MKRN2OS: variants seen among roughly 807,000 people sequenced by gnomAD.
MKRN2OS encodes the protein MKRN2 opposite strand, also known as MKRN2 opposite strand protein.
Under a neutral mutation model 18.2 loss-of-function variants are expected in MKRN2OS, and 17 were observed. That is an observed-to-expected ratio of 0.93 (90% CI 0.64 to 1.40). The LOEUF is 1.40. Ranked by LOEUF, MKRN2OS falls within the 40% of genes most tolerant of loss-of-function variation. MKRN2OS has a pLI of 0.00. For synonymous variants in MKRN2OS, 121 were observed against 108.5 expected (o/e 1.12, Z -0.72); for missense variants, 337 against 283.0 (o/e 1.19, Z -1.37).
At chr3:12,551,786 A>G (rs1401101412), downstream of MKRN2OS, among the ~76,000 whole-genome samples, 1 of 151,568 alleles carries the variant, frequency 6.6e-6, no homozygotes, top group African/African-American at 2.4e-5. Flanking sequence ...AAATACAAAA[A>G]CACAAAAATT....
intron 1 of MKRN2OS, among the ~76,000 whole-genome samples, chr3:12,558,172 A>G (rs1463153883): frequency 6.6e-6 from 1 of 152,236 alleles, no homozygotes; most frequent in Non-Finnish European, 1.5e-5. Flanking sequence ...TGGTATGAAT[A>G]GTTGAGACGT....
intron 3 of MKRN2OS, among the ~76,000 whole-genome samples, 195 bp from the exon 4 acceptor site, chr3:12,540,628 C>T (rs1054859042): frequency 6.6e-6 from 1 of 152,050 alleles, no homozygotes; most frequent in African/African-American, 2.4e-5. Context: ...AATCCCAGCA[C>T]TTTGGGAAGC....
intron 1 of MKRN2OS, among the ~76,000 whole-genome samples, chr3:12,554,930 A>G (rs1426336899): frequency 6.6e-6 from 1 of 152,200 alleles, no homozygotes; most frequent in Non-Finnish European, 1.5e-5. Context: ...GAGACTTTTC[A>G]CTTTACGCTT....
At chr3:12,550,075 G>T (rs1334831488), upstream of MKRN2OS, among the ~76,000 whole-genome samples, 2 of 152,130 alleles carry the variant, frequency 1.3e-5, no homozygotes, top group Non-Finnish European at 2.9e-5. Context: ...ATATGACCCA[G>T]AAATTGTGCT....
In MKRN2OS at chr3:12,545,457, C is replaced by G. The variant is rs1037276422; in HGVS notation, c.8G>C (p.Cys3Ser). The G allele has an allele frequency of 3.3e-6, 5 of 1,518,450 alleles. No homozygotes were observed. The African/African-American group carries it at 4.1e-5, about 13-fold the overall frequency. 94.1% of individuals were successfully genotyped at this position (1,518,450 alleles called of 1,614,324 possible). Residue 3 changes from cysteine (C) to serine (S), a missense_variant, in exon 1 of 4, where the codon TGC becomes TCC. Transcript: ENST00000564146. MH[C>S]AEAGKALIKF... Reference sequence around the variant, plus strand: ...AATTAAAGCCTTCCCAGCCTCTGCGCAGTGCATAGCTTTCGCCTCCTGGAA... The same window carrying G: ...AATTAAAGCCTTCCCAGCCTCTGCGGAGTGCATAGCTTTCGCCTCCTGGAA...
chr3:12,540,954 C>T (rs2057799069), intron 3 of MKRN2OS, among the ~76,000 whole-genome samples: 1 of 149,354 alleles, frequency 6.7e-6, no homozygotes, highest in Non-Finnish European at 1.5e-5. Flanking sequence ...TGCAGATTGG[C>T]ATAGACTCAC....
chr3:12,545,431 T>C lies in MKRN2OS; in HGVS notation c.34A>G (p.Lys12Glu). ...HCAEAGKALI[K>E]FNHCEKYIYS... ...ATGTATTTCTCACAGTGGTTGAATT[T>C]AATTAAAGCCTTCCCAGCCTCTGCG... Residue 12 changes from lysine (K) to glutamate (E), a missense_variant, in exon 1 of 4, where the codon AAA becomes GAA. Coordinates refer to ENST00000564146, the MANE Select transcript of MKRN2OS (RefSeq NM_001195279.2). 6.5e-7 allele frequency: 1 copy of C among 1,534,656 alleles called. No homozygotes were observed. The highest frequency in any genetic ancestry group is 8.7e-7 in the Non-Finnish European group (1 of 1,146,360).
At chr3:12,552,902 C>T (rs1409699026), downstream of MKRN2OS, among the ~76,000 whole-genome samples, 4 of 150,996 alleles carry the variant, frequency 2.6e-5, no homozygotes, top group Admixed American at 6.6e-5. Flanking sequence ...GCATGCCTGG[C>T]GCACACCTGT....
At chr3:12,553,742 G>C (rs1244565346), downstream of MKRN2OS, 2 of 152,178 alleles carry the variant, frequency 1.3e-5, no homozygotes, top group Non-Finnish European at 2.9e-5. Context: ...ATTATTTGCT[G>C]ATGGCGTGAT....
chr3:12,542,711 TAAA>T (rs544900301), intron 2 of MKRN2OS, among the ~76,000 whole-genome samples: 19 of 109,064 alleles, frequency 1.7e-4, no homozygotes, highest in African/African-American at 4.7e-4. Context: ...TCACTTTCCT[TAAA>T]AAAAAAAAAA....
At chr3:12,542,073 T>C (rs1157187522) in intron 2 of MKRN2OS, 51 bp from the exon 3 acceptor site, 1 of 1,488,536 alleles carries the variant, frequency 6.7e-7, no homozygotes, top group African/African-American at 1.4e-5. Context: ...CACACACCTC[T>C]GTGAAAAAGA....
chr3:12,552,057 C>T (rs111431662), downstream of MKRN2OS, among the ~76,000 whole-genome samples: 870 of 152,192 alleles, frequency 5.7e-3, 5 homozygotes, highest in African/African-American at 0.019. Context: ...CGGTGGCTCA[C>T]GCCTGTAATC....
intron 1 of MKRN2OS, among the ~76,000 whole-genome samples, chr3:12,559,229 T>A (rs1030799776): frequency 7.9e-5 from 12 of 152,304 alleles, no homozygotes; most frequent in African/African-American, 2.9e-4. Flanking sequence ...AAAACCAATA[T>A]GACCAAGAGT....
At chr3:12,553,016 C>CAA (rs371579378), downstream of MKRN2OS, among the ~76,000 whole-genome samples, 7,037 of 101,512 alleles carry the variant, frequency 0.069, 180 homozygotes, top group Admixed American at 0.13. Flanking sequence ...ACCCGGTCTC[C>CAA]AAAAAAAAAA....
upstream of MKRN2OS, among the ~76,000 whole-genome samples, chr3:12,548,340 C>T (rs1010189288): frequency 3.3e-5 from 5 of 150,860 alleles, no homozygotes; most frequent in Admixed American, 2.0e-4. Flanking sequence ...CCCAGCTACT[C>T]GGGAGGCTGA....
chr3:12,553,122 T>C (rs559180691), downstream of MKRN2OS, among the ~76,000 whole-genome samples: 1 of 152,116 alleles, frequency 6.6e-6, no homozygotes, highest in South Asian at 2.1e-4. Flanking sequence ...AATACCCATA[T>C]TACACAGACT....
downstream of MKRN2OS, among the ~76,000 whole-genome samples, chr3:12,552,143 C>A (rs1442275378): frequency 6.6e-6 from 1 of 151,930 alleles, no homozygotes; most frequent in Non-Finnish European, 1.5e-5. Context: ...GATAGTGAAA[C>A]CCTGTCTCTA....
chr3:12,553,459 A>G (rs2057944045), downstream of MKRN2OS, among the ~76,000 whole-genome samples: 2 of 152,144 alleles, frequency 1.3e-5, no homozygotes, highest in Admixed American at 6.5e-5. Context: ...AAAAGTCAAG[A>G]TGTGTTCATG....
At chr3:12,544,492 A>G (rs2057858577) in intron 1 of MKRN2OS, among the ~76,000 whole-genome samples, 1 of 151,984 alleles carries the variant, frequency 6.6e-6, no homozygotes, top group African/African-American at 2.4e-5. Flanking sequence ...CCTGGCCAAC[A>G]TGGTGAAACC....
Sources: allele counts gnomAD v4.1 joint callset (sites outside exome capture counted in the v4.1 genomes callset), GRCh38; gene constraint gnomAD v4.1.1; transcripts MANE v1.5; gene names NCBI Gene and HGNC (gene_info 2026-07-23, HGNC 2026-07-21).